Variants in CNTNAP2 observed in about 807,000 individuals in gnomAD.
CNTNAP2 encodes contactin-associated protein-like 2.
Under a neutral mutation model 155.2 loss-of-function variants are expected in CNTNAP2, and 98 were observed. The observed-to-expected ratio is 0.63, with a 90% CI of 0.54 to 0.75. The LOEUF is 0.75. Ranked by LOEUF, CNTNAP2 falls within the 30% of genes least tolerant of loss-of-function variation. The probability of loss-of-function intolerance (pLI) is 0.00; values close to 1 mark genes in which losing one functional copy is unlikely to be tolerated. For missense variants in CNTNAP2, 1,727 were observed against 1,688.1 expected (o/e 1.02, Z -0.40); for synonymous variants, 651 against 631.2 (o/e 1.03, Z -0.47).
At position 146,330,012 on chromosome 7, in the gene CNTNAP2, C is replaced by CTTT. The variant is rs748334732; in HGVS notation, c.97+213064_97+213066dup. ...CATTTATTGATTCAACAAGTACTTT[C>CTTT]TTTTTTTTTTTTTTTTTTTTTTTTT... On this transcript the variant is annotated intron_variant, in intron 1 of 23. Transcript: ENST00000361727. Among the ~76,000 whole-genome samples the CTTT allele has an allele frequency of 3.6e-3, 273 of 74,828 alleles. 73 individuals are homozygous for CTTT. The highest frequency in any genetic ancestry group is 0.016 in the African/African-American group (237 of 15,204). The allele number at this position is 74,828 out of a possible 152,430, so 49.1% of individuals were successfully genotyped here. A position where few individuals can be genotyped will look rare whatever the true frequency, so the allele number is the denominator to read the frequency against.
At chr7:147,625,682 A>G (rs1044338425) in intron 12 of CNTNAP2, among the ~76,000 whole-genome samples, 7 of 152,308 alleles carry the variant, frequency 4.6e-5, no homozygotes, top group African/African-American at 1.7e-4. Flanking sequence ...GATGAACTGA[A>G]CTGTGTGTGG....
intron 3 of CNTNAP2, among the ~76,000 whole-genome samples, chr7:146,899,793 G>A (rs2129213342): frequency 6.6e-6 from 1 of 152,276 alleles, no homozygotes; most frequent in South Asian, 2.1e-4. Flanking sequence ...ATAATCTCAA[G>A]GAATCTTTGT....
chr7:148,392,318 C>G (rs183807137), intron 22 of CNTNAP2, among the ~76,000 whole-genome samples: 3 of 149,442 alleles, frequency 2.0e-5, no homozygotes, highest in Non-Finnish European at 4.4e-5. Context: ...GTGATCCGCC[C>G]GCCTCAGCCT....
intron 16 of CNTNAP2, among the ~76,000 whole-genome samples, chr7:148,128,001 C>G (rs1472601041): frequency 6.6e-6 from 1 of 152,162 alleles, no homozygotes; most frequent in African/African-American, 2.4e-5. Flanking sequence ...TCCCGAGTAG[C>G]TGGTACCACA....
At chr7:148,246,076 G>GTCAC (rs1367375074) in intron 20 of CNTNAP2, among the ~76,000 whole-genome samples, 2 of 152,214 alleles carry the variant, frequency 1.3e-5, no homozygotes, top group African/African-American at 4.8e-5. Context: ...ACATTCTGAA[G>GTCAC]TCACTCTCTA....
At chr7:147,275,876 G>A (rs1039675409) in intron 8 of CNTNAP2, among the ~76,000 whole-genome samples, 2 of 151,922 alleles carry the variant, frequency 1.3e-5, no homozygotes, top group Non-Finnish European at 2.9e-5. Context: ...TATCATAAAG[G>A]CATGTTGGAT....
chr7:148,290,375 T>G (rs1386784811), intron 21 of CNTNAP2, among the ~76,000 whole-genome samples: 1 of 152,306 alleles, frequency 6.6e-6, no homozygotes, highest in East Asian at 1.9e-4. Context: ...CCAAGCTGAT[T>G]GTTCTATTCC....
rs533959796 is a variant in CNTNAP2, at chr7:147,002,232, C to T, written c.403-41675C>T. On this transcript the variant is annotated intron_variant, in intron 3 of 23. Coordinates refer to ENST00000361727, the MANE Select transcript of CNTNAP2 (RefSeq NM_014141.6). ...GAGAATGTCCAGCCAAATGGATGAA[C>T]ATACACTCACATAGAGACATGTAAT... 2.0e-5 allele frequency among the ~76,000 whole-genome samples: 3 copies of T among 152,052 alleles called. No homozygotes were observed. In the East Asian group the frequency reaches 5.8e-4, roughly 30 times the overall value.
intron 14 of CNTNAP2, among the ~76,000 whole-genome samples, chr7:147,955,037 A>G (rs1027718746): frequency 6.6e-6 from 1 of 152,240 alleles, no homozygotes; most frequent in Non-Finnish European, 1.5e-5. Flanking sequence ...AGCCACCGAC[A>G]CTGAATTTCC....
chr7:146,934,856 C>T (rs12703858), intron 3 of CNTNAP2, among the ~76,000 whole-genome samples: 2 of 151,844 alleles, frequency 1.3e-5, no homozygotes, highest in Non-Finnish European at 2.9e-5. Context: ...CAGAGATCAC[C>T]GTGCTGTGGA....
At position 147,989,404 on chromosome 7, in the gene CNTNAP2, C is replaced by T. The variant is rs547826000; in HGVS notation, c.2383+11415C>T. Among the ~76,000 whole-genome samples the T allele has an allele frequency of 2.0e-5, 3 of 152,348 alleles. No individual in the cohort carries two copies. The East Asian group carries it at 5.8e-4, about 29-fold the overall frequency. The stretch of plus-strand genomic sequence containing the variant: ...CAGCTGCAAATGAGAATAATTGTAA[C>T]ATCACTGAGTTTGCTCCAGTAAAGC... On this transcript the variant is annotated intron_variant, in intron 15 of 23. Coordinates refer to ENST00000361727, the MANE Select transcript of CNTNAP2 (RefSeq NM_014141.6).
intron 10 of CNTNAP2, among the ~76,000 whole-genome samples, chr7:147,482,995 G>A (rs941327705): frequency 1.7e-4 from 26 of 151,750 alleles, no homozygotes; most frequent in Admixed American, 5.9e-4. Flanking sequence ...GCAGTGAGCC[G>A]AGATGGTGCC....
intron 21 of CNTNAP2, among the ~76,000 whole-genome samples, chr7:148,315,468 A>G (rs1797672170): frequency 6.6e-6 from 1 of 152,176 alleles, no homozygotes; most frequent in Non-Finnish European, 1.5e-5. Flanking sequence ...GGAATTTCAC[A>G]AGATAATGTC....
At chr7:146,146,356 T>TC (rs1797958194) in intron 1 of CNTNAP2, among the ~76,000 whole-genome samples, 1 of 152,116 alleles carries the variant, frequency 6.6e-6, no homozygotes, top group Non-Finnish European at 1.5e-5. Flanking sequence ...AATATTTATG[T>TC]CCCCAGCCAT....
chr7:148,412,067 C>T (rs1799854825), intron 23 of CNTNAP2, among the ~76,000 whole-genome samples: 1 of 152,032 alleles, frequency 6.6e-6, no homozygotes, highest in Middle Eastern at 3.2e-3. Context: ...CTCAACCTCC[C>T]GAGTAGCTGG....
chr7:146,136,785 C>G lies in CNTNAP2; in HGVS notation c.97+19812C>G, dbSNP rs187341191. Among the ~76,000 whole-genome samples the G allele has an allele frequency of 2.6e-5, 4 of 152,246 alleles. No individual in the cohort carries two copies. The East Asian group carries it at 7.7e-4, about 29-fold the overall frequency. ...CACTCATTTAGGCTCTAAGCCGGCCCTCTCATTCAATATCCAGCAATTCGA... is the reference window on the plus strand; with the variant it reads ...CACTCATTTAGGCTCTAAGCCGGCCGTCTCATTCAATATCCAGCAATTCGA... On this transcript the variant is annotated intron_variant, in intron 1 of 23. Transcript: ENST00000361727.
chr7:147,314,903 C>T (rs960656973), intron 9 of CNTNAP2, among the ~76,000 whole-genome samples: 30 of 150,988 alleles, frequency 2.0e-4, no homozygotes, highest in African/African-American at 6.8e-4. Flanking sequence ...GGTGGAAATG[C>T]AAGCTATCAG....
chr7:147,828,304 T>G (rs960305895), intron 13 of CNTNAP2, among the ~76,000 whole-genome samples: 1 of 152,174 alleles, frequency 6.6e-6, no homozygotes, highest in African/African-American at 2.4e-5. Flanking sequence ...AGTCCAGATT[T>G]CCTTGTTTTC....
At chr7:148,347,187 G>T (rs1428221817) in intron 21 of CNTNAP2, among the ~76,000 whole-genome samples, 2 of 152,014 alleles carry the variant, frequency 1.3e-5, no homozygotes, top group Non-Finnish European at 2.9e-5. Context: ...AACCCGGGAA[G>T]TGGAGATTAC....
Sources: gnomAD v4.1 joint callset for allele counts (sites outside exome capture counted in the v4.1 genomes callset) on GRCh38, gnomAD v4.1.1 for gene constraint, MANE v1.5 for transcripts, NCBI Gene and HGNC (gene_info 2026-07-23, HGNC 2026-07-21) for gene names.